The following POLR3C variants were observed in gnomAD, a reference collection of about 807,000 sequenced individuals.
POLR3C encodes the protein DNA-directed RNA polymerase III subunit RPC3.
Under a neutral mutation model 65.9 loss-of-function variants are expected in POLR3C, and 44 were observed. That is an observed-to-expected ratio of 0.67 (90% CI 0.52 to 0.86). POLR3C has a LOEUF of 0.86. Among genes scored for constraint, POLR3C ranks in the 40% least tolerant of loss-of-function variants. The probability of loss-of-function intolerance (pLI) is 0.00; values close to 1 mark genes in which losing one functional copy is unlikely to be tolerated. For missense variants in POLR3C, 576 were observed against 653.2 expected, an observed-to-expected ratio of 0.88 and a Z score of 1.29; for synonymous variants, 263 against 231.6, an observed-to-expected ratio of 1.14 and a Z score of -1.23.
intron 5 of POLR3C, among the ~76,000 whole-genome samples, chr1:145,832,922 TGA>T (rs1553727532): frequency 6.6e-6 from 1 of 152,104 alleles, no homozygotes; most frequent in Admixed American, 6.6e-5. Context: ...CTCAGTAGGC[TGA>T]GACAGGAGAA....
intron 13 of POLR3C, 100 bp downstream of exon 13, chr1:145,840,265 C>T (rs1465431793): frequency 9.1e-6 from 7 of 773,432 alleles, no homozygotes; most frequent in Non-Finnish European, 1.6e-5. Context: ...CTGGGCCTGG[C>T]AGGGTGGCTC....
intron 4 of POLR3C, among the ~76,000 whole-genome samples, chr1:145,828,279 T>C (rs367566480): frequency 1.4e-4 from 22 of 152,302 alleles, no homozygotes; most frequent in African/African-American, 4.3e-4. Flanking sequence ...TAAGACCTTA[T>C]AGAGCATCTG....
intron 4 of POLR3C, among the ~76,000 whole-genome samples, chr1:145,827,777 A>G: frequency 6.7e-6 from 1 of 150,172 alleles, no homozygotes; most frequent in Non-Finnish European, 1.5e-5. Flanking sequence ...AAAAAAAAAA[A>G]AATAGCCAGG....
intron 11 of POLR3C, among the ~76,000 whole-genome samples, chr1:145,839,301 G>A (rs1652103790): frequency 6.6e-6 from 1 of 151,990 alleles, no homozygotes; most frequent in South Asian, 2.1e-4. Flanking sequence ...TTTTTGTAAA[G>A]ATCAAATAGA....
At chr1:145,830,228 G>C (rs1443762441) in intron 5 of POLR3C, among the ~76,000 whole-genome samples, 3 of 149,456 alleles carry the variant, frequency 2.0e-5, no homozygotes, top group African/African-American at 7.4e-5. Flanking sequence ...ACTACTCTAA[G>C]AAATGGGAAG....
chr1:145,826,843 G>A lies in POLR3C; in HGVS notation c.427G>A (p.Glu143Lys), dbSNP rs1400106144. ...MEDGKTMDYA[E>K]VSNTFVRLAD... ...AGATGGCAAGACCATGGACTATGCT[G>A]AAGTATCAAACACATTTGTGCGACT... The change falls in exon 4 of 15, where the codon GAA (glutamate) becomes AAA (lysine). Residue 143 changes from glutamate (E) to lysine (K), a missense_variant. Coordinates refer to ENST00000334163, the MANE Select transcript of POLR3C (RefSeq NM_006468.8). 6.2e-7 allele frequency: 1 copy of A among 1,611,372 alleles called. No individual in the cohort carries two copies. Among genetic ancestry groups the A allele is most frequent in the Admixed American group, 1.7e-5 (1 of 59,522 alleles).
chr1:145,834,659 T>G (rs963105735), intron 7 of POLR3C, among the ~76,000 whole-genome samples: 2 of 151,792 alleles, frequency 1.3e-5, no homozygotes. Context: ...TCACCACACA[T>G]GTGAGTAATG....
At chr1:145,836,445 C>A in intron 7 of POLR3C, 49 bp from the exon 8 acceptor site, 1 of 1,005,356 alleles carries the variant, frequency 9.9e-7, no homozygotes, top group South Asian at 1.3e-5. Flanking sequence ...TCAGTAAGGT[C>A]AGGAGTTCTA....
intron 5 of POLR3C, among the ~76,000 whole-genome samples, chr1:145,829,528 A>G (rs190878517): frequency 1.8e-4 from 28 of 152,354 alleles, no homozygotes; most frequent in Non-Finnish European, 4.0e-4. Flanking sequence ...ATGACTTTCT[A>G]AGTTGTTCAA....
chr1:145,841,206 T>G, intron 14 of POLR3C, 135 bp downstream of exon 14: 1 of 723,866 alleles, frequency 1.4e-6, no homozygotes, highest in Non-Finnish European at 2.4e-6. Context: ...CAGAATTTAA[T>G]CCACCTATTT....
rs1351473019 is a variant in POLR3C at position 145,836,988 on chromosome 1, T to C, written c.1009+122T>C. The C allele has an allele frequency of 1.4e-5, 8 of 563,594 alleles. No homozygotes were observed. In the East Asian group the frequency reaches 2.7e-4, roughly 19 times the overall value. The allele number at this position is 563,594 out of a possible 1,614,324, so 34.9% of individuals were successfully genotyped here. ...AAATAAATTAGAAAATTGAAGTAAT[T>C]GTTAAATAAATTTTTCTATGAATTT... On this transcript the variant is annotated intron_variant, in intron 9 of 14. Transcript: ENST00000334163.
Position 145,843,632 on chromosome 1 carries a change from A to G in POLR3C, c.*1212A>G, listed in dbSNP as rs1288712956. On this transcript the variant is annotated 3_prime_UTR_variant, in exon 15 of 15. Transcript: ENST00000334163. ...CTAGTAGGAGGAGACAAATAAGTACATAAGTACCAGGAAGTATTAGGGGTG... is the reference window on the plus strand; with the variant it reads ...CTAGTAGGAGGAGACAAATAAGTACGTAAGTACCAGGAAGTATTAGGGGTG... 1.3e-5 allele frequency among the ~76,000 whole-genome samples: 2 copies of G among 152,208 alleles called. No homozygotes were observed. The highest frequency in any genetic ancestry group is 2.4e-5 in the African/African-American group (1 of 41,454).
chr1:145,825,111 G>GC (rs1430595948), intron 1 of POLR3C, among the ~76,000 whole-genome samples: 1 of 148,948 alleles, frequency 6.7e-6, no homozygotes, highest in Non-Finnish European at 1.5e-5. Context: ...AATTTTTTTT[G>GC]TTTTTTTTTG....
Position 145,843,943 on chromosome 1 carries a change from A to G in POLR3C, c.*1523A>G, listed in dbSNP as rs1652476017. On this transcript the variant is annotated 3_prime_UTR_variant, in exon 15 of 15. Transcript: ENST00000334163. ...CAAAAAATGTTCAACATCACTAATC[A>G]GAGAAATGGAAATCAAAATCAATGA... Among the ~76,000 whole-genome samples the G allele has an allele frequency of 6.6e-6, 1 of 152,250 alleles. No homozygotes were observed. The highest frequency in any genetic ancestry group is 6.5e-5 in the Admixed American group (1 of 15,292).
chr1:145,826,865 G>T lies in POLR3C; in HGVS notation c.449G>T (p.Arg150Leu), dbSNP rs372208573. Residue 150 changes from arginine (R) to leucine (L), a missense_variant, in exon 4 of 15, where the codon CGA becomes CTA. Transcript: ENST00000334163. ...GCTGAAGTATCAAACACATTTGTGC[G>T]ACTGGCAGACACACACTTTGTACAA... The part of the protein sequence containing the change: ...DYAEVSNTFV[R>L]LADTHFVQRC... The T allele has an allele frequency of 8.7e-6, 14 of 1,611,822 alleles. No homozygotes were observed. Among genetic ancestry groups the T allele is most frequent in the Non-Finnish European group, 1.2e-5 (14 of 1,179,182 alleles).
intron 11 of POLR3C, chr1:145,839,479 A>G (rs1052184013): frequency 2.4e-5 from 4 of 164,078 alleles, no homozygotes; most frequent in African/African-American, 7.2e-5. Context: ...TATTCTCAGC[A>G]CTTTGGGAAA....
rs1430077457 is a variant in POLR3C at position 145,824,206 on chromosome 1, G to C, written c.-184G>C. The C allele has an allele frequency of 3.2e-6, 1 of 317,140 alleles. No individual in the cohort carries two copies. The highest frequency in any genetic ancestry group is 5.9e-6 in the Non-Finnish European group (1 of 168,872). 19.6% of individuals were successfully genotyped at this position (317,140 alleles called of 1,614,324 possible). A position where few individuals can be genotyped will look rare whatever the true frequency, so the allele number is the denominator to read the frequency against. Reference sequence around the variant, plus strand: ...GCCGCCGAAACTCTGGGGTAGAGTGGCACGCGCTTTTTGCTTTTCCGCGTC... The same window carrying C: ...GCCGCCGAAACTCTGGGGTAGAGTGCCACGCGCTTTTTGCTTTTCCGCGTC... On this transcript the variant is annotated 5_prime_UTR_variant, in exon 1 of 15. Coordinates refer to ENST00000334163, the MANE Select transcript of POLR3C (RefSeq NM_006468.8).
In POLR3C at chr1:145,842,324, T is replaced by C. The variant is rs1553730761; in HGVS notation, c.1524-15T>C. 6.4e-7 allele frequency: 1 copy of C among 1,563,042 alleles called. No homozygotes were observed. Among genetic ancestry groups the C allele is most frequent in the South Asian group, 1.1e-5 (1 of 89,860 alleles). On this transcript the variant is annotated splice_polypyrimidine_tract_variant and intron_variant, in intron 14 of 14. Coordinates refer to ENST00000334163, the MANE Select transcript of POLR3C (RefSeq NM_006468.8). Reference sequence around the variant, plus strand: ...GAACATTCAGTCTAGGCAAATGCCTTTACTTTTCACTCAGGTTGGATGCCA... The same window carrying C: ...GAACATTCAGTCTAGGCAAATGCCTCTACTTTTCACTCAGGTTGGATGCCA...
At chr1:145,839,198 G>A (rs587610638) in intron 11 of POLR3C, among the ~76,000 whole-genome samples, 6 of 152,168 alleles carry the variant, frequency 3.9e-5, no homozygotes, top group African/African-American at 7.2e-5. Context: ...TTGAACCTGG[G>A]AGGCAGAGGT....
Sources: gnomAD v4.1 joint callset for allele counts (sites outside exome capture counted in the v4.1 genomes callset) on GRCh38, gnomAD v4.1.1 for gene constraint, MANE v1.5 for transcripts, NCBI Gene and HGNC (gene_info 2026-07-23, HGNC 2026-07-21) for gene names.